RASA2: variants seen among roughly 807,000 people sequenced by gnomAD.
RASA2 encodes RAS p21 protein activator 2, also known as ras GTPase-activating protein 2.
In RASA2, 155 loss-of-function variants were observed where a neutral mutation model predicts 118.2. The observed-to-expected ratio is 1.31, with a 90% CI of 1.15 to 1.50. The LOEUF (loss-of-function observed/expected upper bound fraction) is 1.50, where lower values mean the gene tolerates loss of function less well. Ranked by LOEUF, RASA2 falls within the 40% of genes most tolerant of loss-of-function variation. RASA2 has a pLI of 0.00. For missense variants in RASA2, 1,016 were observed against 1,009.6 expected, an observed-to-expected ratio of 1.01 and a Z score of -0.09; for synonymous variants, 353 against 349.1, an observed-to-expected ratio of 1.01 and a Z score of -0.12.
intron 1 of RASA2, among the ~76,000 whole-genome samples, chr3:141,492,309 GT>G (rs1412561257): frequency 6.6e-6 from 1 of 152,124 alleles, no homozygotes; most frequent in Non-Finnish European, 1.5e-5. Context: ...CAGATTACAT[GT>G]TTTTGCTACT....
chr3:141,604,882 G>A (rs2083522865), intron 19 of RASA2, among the ~76,000 whole-genome samples: 1 of 151,586 alleles, frequency 6.6e-6, no homozygotes, highest in South Asian at 2.1e-4. Flanking sequence ...TTGTGCACAT[G>A]TACCCTAGAA....
At chr3:141,536,255 T>A (rs2082323662) in intron 4 of RASA2, among the ~76,000 whole-genome samples, 1 of 151,526 alleles carries the variant, frequency 6.6e-6, no homozygotes, top group Non-Finnish European at 1.5e-5. Context: ...CAAAAGAAAA[T>A]GAGAGAGAAG....
chr3:141,515,151 C>T (rs2082004524), intron 2 of RASA2, among the ~76,000 whole-genome samples: 1 of 151,860 alleles, frequency 6.6e-6, no homozygotes, highest in South Asian at 2.1e-4. Flanking sequence ...ACTTATAGCT[C>T]AATAAAACTG....
In RASA2 at chr3:141,583,176, C is replaced by G. The variant is rs529355782; in HGVS notation, c.1752+1999C>G. Among the ~76,000 whole-genome samples the G allele has an allele frequency of 1.5e-3, 230 of 152,218 alleles. 1 individual carries two copies. The highest frequency in any genetic ancestry group is 5.4e-3 in the Admixed American group (83 of 15,298). ...CAGTGGCTCATGCCTGTAATCCCAG[C>G]ACTTTGGGAGGCCGAAGCGGGCAGA... On this transcript the variant is annotated intron_variant, in intron 17 of 23. Transcript: ENST00000286364.
At chr3:141,611,362 C>T (rs2083649052) in intron 23 of RASA2, among the ~76,000 whole-genome samples, 1 of 152,188 alleles carries the variant, frequency 6.6e-6, no homozygotes, top group Non-Finnish European at 1.5e-5. Context: ...TTTCTCCGTA[C>T]TAGGAGAAAG....
intron 19 of RASA2, among the ~76,000 whole-genome samples, chr3:141,601,412 G>A (rs1332909401): frequency 1.3e-5 from 2 of 151,682 alleles, no homozygotes; most frequent in African/African-American, 4.8e-5. Context: ...TCCAGCCTGG[G>A]CAACAGAGAG....
intron 9 of RASA2, among the ~76,000 whole-genome samples, chr3:141,570,213 T>C (rs553140919): frequency 1.3e-4 from 19 of 143,994 alleles, no homozygotes; most frequent in East Asian, 3.9e-4. Context: ...ATATGTCTTA[T>C]CTACTTTTTT....
At chr3:141,559,346 G>A (rs1361907526) in intron 8 of RASA2, among the ~76,000 whole-genome samples, 1 of 152,028 alleles carries the variant, frequency 6.6e-6, no homozygotes, top group East Asian at 1.9e-4. Flanking sequence ...AGAAATTTCA[G>A]TGAGGTAAGA....
intron 7 of RASA2, among the ~76,000 whole-genome samples, chr3:141,557,701 A>C (rs2082670539): frequency 6.6e-6 from 1 of 152,124 alleles, no homozygotes; most frequent in Non-Finnish European, 1.5e-5. Context: ...GTTGTACTTT[A>C]GGTGTAAGAA....
chr3:141,521,038 CT>C (rs1485605589), intron 3 of RASA2, among the ~76,000 whole-genome samples: 2 of 152,160 alleles, frequency 1.3e-5, no homozygotes, highest in African/African-American at 2.4e-5. Context: ...AGAACATTCA[CT>C]TTTGAGTGAG....
intron 5 of RASA2, among the ~76,000 whole-genome samples, chr3:141,548,206 T>G (rs2082516740): frequency 6.6e-6 from 1 of 152,186 alleles, no homozygotes; most frequent in African/African-American, 2.4e-5. Flanking sequence ...ATAGGATGAA[T>G]TTGGAAGTGT....
intron 9 of RASA2, among the ~76,000 whole-genome samples, chr3:141,564,253 G>A (rs1215367840): frequency 2.0e-5 from 3 of 152,176 alleles, no homozygotes; most frequent in African/African-American, 7.2e-5. Context: ...TCAGTTATTT[G>A]GAGCTAAAGG....
chr3:141,566,858 A>G (rs567926064), intron 9 of RASA2, among the ~76,000 whole-genome samples: 1 of 152,288 alleles, frequency 6.6e-6, no homozygotes, highest in South Asian at 2.1e-4. Context: ...TTCAAAACCA[A>G]AGCATTCATT....
chr3:141,603,498 G>A (rs1427542884), intron 19 of RASA2, among the ~76,000 whole-genome samples: 1 of 152,048 alleles, frequency 6.6e-6, no homozygotes, highest in Non-Finnish European at 1.5e-5. Context: ...TTGATCCCAG[G>A]AGGTGGAGAT....
chr3:141,490,628 A>G (rs777359509), intron 1 of RASA2, among the ~76,000 whole-genome samples: 10 of 152,178 alleles, frequency 6.6e-5, no homozygotes, highest in Non-Finnish European at 1.3e-4. Context: ...CTGTGGGACT[A>G]TGTGTTCCAA....
chr3:141,569,896 G>A (rs1225712640), intron 9 of RASA2, among the ~76,000 whole-genome samples: 1 of 151,982 alleles, frequency 6.6e-6, no homozygotes, highest in East Asian at 1.9e-4. Context: ...TTGGTTTTCT[G>A]TTTCTGCATT....
At chr3:141,532,112 A>C (rs1279850124) in intron 4 of RASA2, among the ~76,000 whole-genome samples, 1 of 152,144 alleles carries the variant, frequency 6.6e-6, no homozygotes, top group East Asian at 1.9e-4. Flanking sequence ...AATGTCATTT[A>C]ACTTTCAAAG....
Position 141,581,101 on chromosome 3 carries a change from C to A in RASA2, c.1676C>A (p.Ser559Ter). The A allele has an allele frequency of 6.5e-7, 1 of 1,527,272 alleles. No individual in the cohort carries two copies. The highest frequency in any genetic ancestry group is 1.3e-5 in the South Asian group (1 of 75,984). The allele number at this position is 1,527,272 out of a possible 1,614,324, so 94.6% of individuals were successfully genotyped here. ...AACCCTGTGTTTGTTTTTTCTTAGT[C>A]AAGTTTCAAAGAGACATTCATGTGT... ...GSWGSLSKSKSSFKETFMCEF... is the reference protein window; with the variant it reads ...GSWGSLSKSK Residue 559 changes from serine to a stop codon, truncating the protein, a stop_gained and splice_region_variant, in exon 17 of 24, where the codon TCA becomes TAA. Transcript: ENST00000286364. LOFTEE classifies it high-confidence loss of function.
In RASA2 at chr3:141,615,166, C is replaced by G. The variant is rs2083709979; in HGVS notation, c.*2853C>G. On this transcript the variant is annotated 3_prime_UTR_variant, in exon 24 of 24. Coordinates refer to ENST00000286364, the MANE Select transcript of RASA2 (RefSeq NM_006506.5). ...TGTTGCTAGTAAATATTGGTTTTTACAGTACCCAGTTTGAAAATGTAAGTT... is the reference window on the plus strand; with the variant it reads ...TGTTGCTAGTAAATATTGGTTTTTAGAGTACCCAGTTTGAAAATGTAAGTT... 1 of 152,074 alleles carries G rather than the reference C, an allele frequency of 6.6e-6. No individual in the cohort carries two copies. The highest frequency in any genetic ancestry group is 1.5e-5 in the Non-Finnish European group (1 of 68,036). The allele number at this position is 152,074 out of a possible 1,614,324, so 9.4% of individuals were successfully genotyped here.
Sources: gnomAD v4.1 joint callset for allele counts (sites outside exome capture counted in the v4.1 genomes callset) on GRCh38, gnomAD v4.1.1 for gene constraint, MANE v1.5 for transcripts, NCBI Gene and HGNC (gene_info 2026-07-23, HGNC 2026-07-21) for gene names.